The following TP63 variants were observed in gnomAD, a reference collection of about 807,000 sequenced individuals.
TP63 encodes tumor protein p63.
A neutral mutation model predicts 82.8 loss-of-function variants in TP63; 17 were observed. The ratio of observed to expected loss-of-function variants is 0.21; its 90% CI spans 0.14 to 0.31. The LOEUF is 0.31. Ranked by LOEUF, TP63 falls within the 10% of genes least tolerant of loss-of-function variation. The pLI is 1.00. For missense variants in TP63, 648 were observed against 895.3 expected (o/e 0.72, Z 3.52); for synonymous variants, 330 against 321.7 (o/e 1.03, Z -0.28).
chr3:189,606,473 A>G, the TP63 span, among the ~76,000 whole-genome samples: 5 of 149,428 alleles, frequency 3.3e-5, no homozygotes, highest in Admixed American at 2.0e-4. Context: ...TAAAATAGCT[A>G]TGTAATTGAT....
intron 1 of TP63, among the ~76,000 whole-genome samples, chr3:189,730,363 T>C (rs1320731774): frequency 6.6e-6 from 1 of 152,210 alleles, no homozygotes. Flanking sequence ...TTTCTGGTCA[T>C]ATCGTGGAAA....
At chr3:189,675,976 C>G (rs1577219884) in intron 1 of TP63, among the ~76,000 whole-genome samples, 1 of 134,054 alleles carries the variant, frequency 7.5e-6, no homozygotes, top group East Asian at 2.3e-4. Flanking sequence ...ACCGTGAACC[C>G]TTTGAAAAAC....
chr3:189,756,073 C>T (rs1008124992), intron 3 of TP63, among the ~76,000 whole-genome samples: 1 of 152,116 alleles, frequency 6.6e-6, no homozygotes, highest in Non-Finnish European at 1.5e-5. Flanking sequence ...AGACTTTCAC[C>T]TAAGGTTAAT....
intron 3 of TP63, among the ~76,000 whole-genome samples, chr3:189,797,682 T>C (rs979112357): frequency 6.6e-6 from 1 of 152,032 alleles, no homozygotes; most frequent in Non-Finnish European, 1.5e-5. Context: ...CAAGACACAC[T>C]TGAAGAGAAA....
chr3:189,708,762 C>T (rs1211930196), intron 1 of TP63, among the ~76,000 whole-genome samples: 3 of 152,134 alleles, frequency 2.0e-5, no homozygotes, highest in African/African-American at 4.8e-5. Context: ...TAATGAACAT[C>T]GCCTAAACTG....
chr3:189,646,202 A>G (rs1269935630), intron 1 of TP63, among the ~76,000 whole-genome samples: 1 of 147,156 alleles, frequency 6.8e-6, no homozygotes, highest in East Asian at 2.4e-4. Flanking sequence ...TAGTTCAACA[A>G]TCTGTATCTT....
At chr3:189,838,854 T>C (rs983154387) in intron 4 of TP63, among the ~76,000 whole-genome samples, 1 of 151,978 alleles carries the variant, frequency 6.6e-6, no homozygotes, top group Non-Finnish European at 1.5e-5. Context: ...CCTGTACTTA[T>C]CTAGAATAAA....
At chr3:189,698,666 A>G (rs906681381) in intron 1 of TP63, among the ~76,000 whole-genome samples, 20 of 152,156 alleles carry the variant, frequency 1.3e-4, no homozygotes, top group African/African-American at 4.3e-4. Context: ...ATGTTCTTAG[A>G]AGAATATCTG....
intron 3 of TP63, among the ~76,000 whole-genome samples, chr3:189,778,417 G>C (rs1027281088): frequency 7.9e-5 from 12 of 152,006 alleles, no homozygotes; most frequent in Non-Finnish European, 7.4e-5. Context: ...TTATTGTCTT[G>C]ATTCCCTGTA....
the TP63 span, among the ~76,000 whole-genome samples, chr3:189,620,051 C>T: frequency 2.0e-5 from 3 of 152,104 alleles, no homozygotes; most frequent in East Asian, 1.9e-4. Context: ...AAAAAAAGAG[C>T]GGAAGAAGGG....
At chr3:189,734,211 G>A (rs28408871) in intron 1 of TP63, among the ~76,000 whole-genome samples, 81,161 of 131,018 alleles carry the variant, frequency 0.62, 24,501 homozygotes, top group Middle Eastern at 0.73. Flanking sequence ...CACTCTTGTC[G>A]CCCAGGCTGG....
chr3:189,889,309 A>C (rs1720774050), intron 11 of TP63, 31 bp from the exon 12 acceptor site: 1 of 1,614,062 alleles, frequency 6.2e-7, no homozygotes, highest in African/African-American at 1.3e-5. Flanking sequence ...TGATGGCAGT[A>C]ACCCTTTTTG....
At chr3:189,807,126 G>A (rs139626081) in intron 3 of TP63, among the ~76,000 whole-genome samples, 10 of 152,088 alleles carry the variant, frequency 6.6e-5, no homozygotes, top group African/African-American at 9.6e-5. Flanking sequence ...TCTATGTGTC[G>A]GAAGGTTTTA....
At chr3:189,861,485 GC>G (rs1387530194) in intron 4 of TP63, among the ~76,000 whole-genome samples, 1 of 152,030 alleles carries the variant, frequency 6.6e-6, no homozygotes, top group Non-Finnish European at 1.5e-5. Context: ...AATACAGAGG[GC>G]CTCATAAAGT....
At chr3:189,887,854 T>C (rs886165882) in intron 11 of TP63, among the ~76,000 whole-genome samples, 1 of 84,928 alleles carries the variant, frequency 1.2e-5, no homozygotes, top group Non-Finnish European at 2.3e-5. Context: ...TTCATTGTTT[T>C]GGTTTTTTTT....
chr3:189,700,676 G>A (rs945442873), intron 1 of TP63, among the ~76,000 whole-genome samples: 6 of 152,090 alleles, frequency 3.9e-5, no homozygotes, highest in African/African-American at 1.2e-4. Flanking sequence ...TGATGTGGGC[G>A]GGGTAAACTT....
intron 9 of TP63, among the ~76,000 whole-genome samples, chr3:189,870,237 C>T (rs1317573164): frequency 1.3e-5 from 2 of 152,136 alleles, no homozygotes; most frequent in African/African-American, 4.8e-5. Flanking sequence ...AAGGCAGAAG[C>T]CTGAATTACA....
At chr3:189,642,601 T>G (rs760100562) in intron 1 of TP63, among the ~76,000 whole-genome samples, 1 of 152,160 alleles carries the variant, frequency 6.6e-6, no homozygotes, top group Non-Finnish European at 1.5e-5. Flanking sequence ...CCTGATTGGA[T>G]TGCCTTAAAA....
At chr3:189,672,711 A>C in intron 1 of TP63, among the ~76,000 whole-genome samples, 1 of 143,616 alleles carries the variant, frequency 7.0e-6, no homozygotes, top group South Asian at 2.2e-4. Context: ...GAAGGAAAGA[A>C]GGAAGGCAGG....
Sources: gnomAD v4.1 joint callset for allele counts (sites outside exome capture counted in the v4.1 genomes callset) on GRCh38, gnomAD v4.1.1 for gene constraint, MANE v1.5 for transcripts, NCBI Gene and HGNC (gene_info 2026-07-23, HGNC 2026-07-21) for gene names.